The following RCC1L variants were observed in gnomAD, a reference collection of about 807,000 sequenced individuals.
RCC1L encodes the protein RCC1-like G exchanging factor-like protein.
RCC1L carries 46 observed loss-of-function variants against 58.6 expected under a neutral mutation model. That is an observed-to-expected ratio of 0.79 (90% confidence interval 0.62 to 1.00). The LOEUF (loss-of-function observed/expected upper bound fraction) is 1.00, where lower values mean the gene tolerates loss of function less well. Ranked by LOEUF, RCC1L falls within the 50% of genes least tolerant of loss-of-function variation. RCC1L has a pLI of 0.00. For synonymous variants in RCC1L, 281 were observed against 262.9 expected (o/e 1.07, Z -0.67); for missense variants, 636 against 623.6 (o/e 1.02, Z -0.21).
intron 10 of RCC1L, among the ~76,000 whole-genome samples, chr7:75,029,707 C>G (rs1253775977): frequency 6.6e-6 from 1 of 152,150 alleles, no homozygotes; most frequent in East Asian, 1.9e-4. Context: ...AGAAGCACCC[C>G]CAACCTTCTA....
rs142358946 is a variant in RCC1L at position 75,064,866 on chromosome 7, C to G, written c.584-218G>C. ...CCTTCCCCTCCTGGCCCTAGATCCA[C>G]TTCTTGGGAATTCCACCTTCTGAGG... On this transcript the variant is annotated intron_variant, in intron 3 of 10. Transcript: ENST00000610322. 2.5e-4 allele frequency: 152 copies of G among 604,316 alleles called. No homozygotes were observed. The East Asian group carries it at 3.4e-3, about 13-fold the overall frequency. 37.4% of individuals were successfully genotyped at this position (604,316 alleles called of 1,614,324 possible).
At position 75,070,699 on chromosome 7, in the gene RCC1L, C is replaced by G. The variant is rs781968660; in HGVS notation, c.395G>C (p.Trp132Ser). The G allele has an allele frequency of 1.9e-6, 3 of 1,614,022 alleles. No individual in the cohort carries two copies. In the African/African-American group the frequency reaches 4.0e-5, roughly 22 times the overall value. Residue 132 changes from tryptophan to serine, a missense_variant, in exon 2 of 11, where the codon TGG becomes TCG. Physicochemically the swap from Trp to Ser is radical, Grantham distance 177. Transcript: ENST00000610322. ...SSKTADVTKV[W>S]GMGLNKDSQL... The stretch of plus-strand genomic sequence containing the variant: ...AGAATCTTTGTTGAGTCCCATCCCC[C>G]AGACTTTCGTAACATCCGCAGTCTT...
chr7:75,037,769 A>T (rs1805460635), downstream of RCC1L, among the ~76,000 whole-genome samples: 1 of 151,930 alleles, frequency 6.6e-6, no homozygotes, highest in Non-Finnish European at 1.5e-5. Context: ...TCAGCCTCCC[A>T]AAGTGCTGGG....
chr7:75,051,072 T>C (rs1805888189), intron 10 of RCC1L, among the ~76,000 whole-genome samples: 1 of 151,476 alleles, frequency 6.6e-6, no homozygotes, highest in Non-Finnish European at 1.5e-5. Flanking sequence ...CCAGCCTGAG[T>C]GATAAAAGTG....
At chr7:75,041,269 C>T (rs1554442236), downstream of RCC1L, among the ~76,000 whole-genome samples, 1 of 151,972 alleles carries the variant, frequency 6.6e-6, no homozygotes, top group East Asian at 1.9e-4. Context: ...CTCCCGAGAT[C>T]CCATCCTCTC....
In RCC1L at chr7:75,055,708, A is replaced by AG. The variant is rs587627972; in HGVS notation, c.1231+192dup. 8.9e-4 allele frequency: 589 copies of AG among 665,314 alleles called. No individual in the cohort carries two copies. The African/African-American group carries it at 9.5e-3, about 11-fold the overall frequency. The allele number at this position is 665,314 out of a possible 1,614,324, so 41.2% of individuals were successfully genotyped here. A position where few individuals can be genotyped will look rare whatever the true frequency, so the allele number is the denominator to read the frequency against. ...CCAAACGAACCAAAATTAAAACTCC[A>AG]GGGGGGGAAAACAAGACATTATACA... On this transcript the variant is annotated intron_variant, in intron 9 of 10. Coordinates refer to ENST00000610322, the MANE Select transcript of RCC1L (RefSeq NM_030798.5).
At chr7:75,070,074 GA>G (rs1261534898) in intron 2 of RCC1L, among the ~76,000 whole-genome samples, 2 of 151,934 alleles carry the variant, frequency 1.3e-5, no homozygotes, top group African/African-American at 4.8e-5. Context: ...TCCAAGCCAG[GA>G]AAAAAAGGTC....
At chr7:75,062,317 A>T (rs1459259531) in intron 5 of RCC1L, among the ~76,000 whole-genome samples, 2 of 152,174 alleles carry the variant, frequency 1.3e-5, no homozygotes, top group Non-Finnish European at 2.9e-5. Flanking sequence ...CAAGAGTTTG[A>T]GACCAGCCTG....
In RCC1L at chr7:75,042,320, C is replaced by T. The variant is rs1805589437; in HGVS notation, c.*712G>A. On this transcript the variant is annotated 3_prime_UTR_variant, in exon 11 of 11. Coordinates refer to ENST00000610322, the MANE Select transcript of RCC1L (RefSeq NM_030798.5). The stretch of plus-strand genomic sequence containing the variant: ...GATCTTCCTCCTCCGCCTGGCACTG[C>T]AGCTGAGCCTTGGCGGATATGCTCG... 5 of 985,404 alleles carry T rather than the reference C, an allele frequency of 5.1e-6. No individual in the cohort carries two copies. The South Asian group carries it at 2.3e-4, about 46-fold the overall frequency. The allele number at this position is 985,404 out of a possible 1,614,324, so 61.0% of individuals were successfully genotyped here.
At chr7:75,062,691 G>T (rs1030090410) in intron 5 of RCC1L, among the ~76,000 whole-genome samples, 28 of 152,318 alleles carry the variant, frequency 1.8e-4, no homozygotes, top group Middle Eastern at 6.8e-3. Flanking sequence ...CAAGTGCTGT[G>T]ATACTTTTGC....
At chr7:75,063,640 C>T (rs1264461913) in intron 4 of RCC1L, among the ~76,000 whole-genome samples, 5 of 152,170 alleles carry the variant, frequency 3.3e-5, no homozygotes, top group Admixed American at 2.0e-4. Flanking sequence ...AAGAACTCAC[C>T]GGGCGCGGTG....
chr7:75,032,254 C>T (rs1386253857), intron 10 of RCC1L, among the ~76,000 whole-genome samples: 2 of 152,116 alleles, frequency 1.3e-5, no homozygotes, highest in Non-Finnish European at 2.9e-5. Context: ...TTGGACGGGG[C>T]CTTTCTGATG....
chr7:75,057,688 G>C, intron 7 of RCC1L, 72 bp from the exon 8 acceptor site: 1 of 1,380,944 alleles, frequency 7.2e-7, no homozygotes, highest in Non-Finnish European at 1.0e-6. Flanking sequence ...CTGGTCTTAG[G>C]TACAGAGTAG....
intron 10 of RCC1L, among the ~76,000 whole-genome samples, chr7:75,049,771 C>T (rs991607105): frequency 2.6e-5 from 4 of 151,510 alleles, no homozygotes; most frequent in African/African-American, 7.3e-5. Flanking sequence ...CCCAGCTACT[C>T]GGGAGGCTGA....
rs1428353861 is a variant in RCC1L at position 75,063,264 on chromosome 7, C to A, written c.702+28G>T. ...TTTCAAAAGCACCCCAGGAACACAA[C>A]AAGCAGCTCTCGGCCCATCTCTCTT... On this transcript the variant is annotated intron_variant, in intron 5 of 10. Transcript: ENST00000610322. 24 of 1,613,832 alleles carry A rather than the reference C, an allele frequency of 1.5e-5. 1 individual carries two copies. The African/African-American group carries it at 2.4e-4, about 16-fold the overall frequency.
chr7:75,060,491 C>T (rs920906810), intron 6 of RCC1L, among the ~76,000 whole-genome samples: 7 of 152,200 alleles, frequency 4.6e-5, no homozygotes, highest in East Asian at 1.9e-4. Context: ...AGTGCAATGG[C>T]GCGATCTTGG....
intron 6 of RCC1L, 39 bp from the exon 7 acceptor site, chr7:75,058,808 CTT>C (rs1806172852): frequency 6.2e-7 from 1 of 1,611,630 alleles, no homozygotes; most frequent in East Asian, 2.2e-5. Context: ...ATTATTCGCT[CTT>C]TTAACAAACA....
At position 75,055,957 on chromosome 7, in the gene RCC1L, G is replaced by A; in HGVS notation, c.1175C>T (p.Pro392Leu). Residue 392 changes from proline to leucine, a missense_variant, in exon 9 of 11, where the codon CCA becomes CTA. Coordinates refer to ENST00000610322, the MANE Select transcript of RCC1L (RefSeq NM_030798.5). The stretch of plus-strand genomic sequence containing the variant: ...TCGGATGCGGGAAACCTGGATTTCT[G>A]GGTTGAACTCCGTCAAGCCAAAGAG... ...PTLFGLTEFNPEIQVSRIRCG... is the reference protein window; with the variant it reads ...PTLFGLTEFNLEIQVSRIRCG... 2 of 1,613,908 alleles carry A rather than the reference G, an allele frequency of 1.2e-6. No homozygotes were observed. The highest frequency in any genetic ancestry group is 2.2e-5 in the East Asian group (1 of 44,872).
intron 10 of RCC1L, among the ~76,000 whole-genome samples, chr7:75,052,380 T>G (rs1358195539): frequency 2.0e-5 from 3 of 152,146 alleles, no homozygotes; most frequent in Non-Finnish European, 2.9e-5. Flanking sequence ...CGACAGGGCT[T>G]CTTATAGGAC....
Sources: allele counts gnomAD v4.1 joint callset (sites outside exome capture counted in the v4.1 genomes callset), GRCh38; gene constraint gnomAD v4.1.1; transcripts MANE v1.5; gene names NCBI Gene and HGNC (gene_info 2026-07-23, HGNC 2026-07-21).